JPH3: variants seen among roughly 807,000 people sequenced by gnomAD.
The protein encoded by JPH3 is junctophilin 3.
In JPH3, 11 loss-of-function variants were observed where a neutral mutation model predicts 59.6. The ratio of observed to expected loss-of-function variants is 0.18; its 90% CI spans 0.12 to 0.31. JPH3 has a LOEUF of 0.31. JPH3 is among the 10% of genes least tolerant of loss of function. The pLI is 1.00. For synonymous variants in JPH3, 673 were observed against 483.6 expected, an observed-to-expected ratio of 1.39 and a Z score of -5.14; for missense variants, 1,202 against 1,105.7, an observed-to-expected ratio of 1.09 and a Z score of -1.24.
intron 1 of JPH3, among the ~76,000 whole-genome samples, chr16:87,607,025 G>C (rs542873422): frequency 2.6e-5 from 4 of 152,294 alleles, no homozygotes; most frequent in Non-Finnish European, 5.9e-5. Flanking sequence ...CCCAGAGCCT[G>C]GGCCTTTGCT....
intron 1 of JPH3, among the ~76,000 whole-genome samples, chr16:87,642,711 T>A (rs1345108709): frequency 6.6e-6 from 1 of 152,204 alleles, no homozygotes; most frequent in African/African-American, 2.4e-5. Flanking sequence ...TTTGCCGCGT[T>A]GGGCGTCGTG....
At chr16:87,694,385 C>G (rs2033716325) in intron 4 of JPH3, 1 of 152,214 alleles carries the variant, frequency 6.6e-6, no homozygotes, top group South Asian at 2.1e-4. Context: ...AAGAATGAAA[C>G]TGACCCAGGA....
intron 2 of JPH3, among the ~76,000 whole-genome samples, chr16:87,659,207 C>G (rs1461287558): frequency 6.6e-6 from 1 of 151,760 alleles, no homozygotes; most frequent in Non-Finnish European, 1.5e-5. Context: ...GATCCCCTCT[C>G]TACTGAAAAT....
chr16:87,658,561 C>A (rs547605117), intron 2 of JPH3, among the ~76,000 whole-genome samples: 1 of 152,162 alleles, frequency 6.6e-6, no homozygotes, highest in Admixed American at 6.5e-5. Context: ...CTCCCCAACC[C>A]CCCTGTTTCT....
Position 87,602,998 on chromosome 16 carries a change from G to A in JPH3, c.-149G>A, listed in dbSNP as rs1262788576. On this transcript the variant is annotated 5_prime_UTR_variant, in exon 1 of 5. Coordinates refer to ENST00000284262, the MANE Select transcript of JPH3 (RefSeq NM_020655.4). ...TTCCTCCGGAGCCGGCGCCGCGGCC[G>A]CCCGCGCCCGAGACCGCGCTCCGGG... is the stretch of plus-strand genomic sequence containing the variant. 1.6e-5 allele frequency: 14 copies of A among 852,762 alleles called. No individual in the cohort carries two copies. Among genetic ancestry groups the A allele is most frequent in the Non-Finnish European group, 2.1e-5 (12 of 579,864 alleles). The allele number at this position is 852,762 out of a possible 1,614,324, so 52.8% of individuals were successfully genotyped here. A position where few individuals can be genotyped will look rare whatever the true frequency, so the allele number is the denominator to read the frequency against.
At chr16:87,610,765 A>G (rs968694164) in intron 1 of JPH3, among the ~76,000 whole-genome samples, 1 of 152,188 alleles carries the variant, frequency 6.6e-6, no homozygotes, top group Admixed American at 6.5e-5. Flanking sequence ...CATATGAGAA[A>G]GATGATGGTG....
At chr16:87,663,529 C>T (rs571039770) in intron 2 of JPH3, among the ~76,000 whole-genome samples, 2 of 152,308 alleles carry the variant, frequency 1.3e-5, no homozygotes, top group South Asian at 4.1e-4. Context: ...ACAAGTTTCC[C>T]GTTTTCCTTT....
At position 87,671,878 on chromosome 16, in the gene JPH3, A is replaced by G. The variant is rs569009600; in HGVS notation, c.1161-12264A>G. Among the ~76,000 whole-genome samples the G allele has an allele frequency of 9.6e-4, 146 of 152,344 alleles. 1 individual carries two copies. The highest frequency in any genetic ancestry group is 3.4e-3 in the Middle Eastern group (1 of 294). On this transcript the variant is annotated intron_variant, in intron 2 of 4. Coordinates refer to ENST00000284262, the MANE Select transcript of JPH3 (RefSeq NM_020655.4). Reference sequence around the variant, plus strand: ...TTTGAAGATCGGTTTTCAGCAGGACAGTAAAAAGGCGAACTGGGAGATTGT... The same window carrying G: ...TTTGAAGATCGGTTTTCAGCAGGACGGTAAAAAGGCGAACTGGGAGATTGT...
rs201391617 is a variant in JPH3 at position 87,696,551 on chromosome 16, G to A, written c.2167-29G>A. The stretch of plus-strand genomic sequence containing the variant: ...CCAGGCAGAGCCCCCCGCAGCTGTC[G>A]CTCACCTCTTCCCCTCGCTCTCTTC... On this transcript the variant is annotated intron_variant, in intron 4 of 4. Coordinates refer to ENST00000284262, the MANE Select transcript of JPH3 (RefSeq NM_020655.4). The A allele has an allele frequency of 1.9e-5, 31 of 1,601,256 alleles. No homozygotes were observed. The South Asian group carries it at 2.4e-4, about 13-fold the overall frequency.
chr16:87,630,856 TC>T (rs2031544250), intron 1 of JPH3, among the ~76,000 whole-genome samples: 1 of 152,156 alleles, frequency 6.6e-6, no homozygotes, highest in African/African-American at 2.4e-5. Context: ...TTCTCCCCAC[TC>T]CCAGCTATCT....
chr16:87,661,538 G>C (rs1448121108), intron 2 of JPH3, among the ~76,000 whole-genome samples: 2 of 152,242 alleles, frequency 1.3e-5, no homozygotes, highest in South Asian at 4.1e-4. Context: ...GACATTGTAG[G>C]TCACCACCAT....
At chr16:87,639,978 C>G (rs772405469) in intron 1 of JPH3, among the ~76,000 whole-genome samples, 17 of 152,216 alleles carry the variant, frequency 1.1e-4, no homozygotes, top group Non-Finnish European at 1.8e-4. Context: ...GGAGGGATCT[C>G]AGGGAGTGGG....
chr16:87,638,398 G>GT (rs913058170), intron 1 of JPH3, among the ~76,000 whole-genome samples: 3 of 152,226 alleles, frequency 2.0e-5, no homozygotes, highest in African/African-American at 7.2e-5. Flanking sequence ...GGAGCACAGG[G>GT]TGGGGGTGCT....
rs1427025407 is a variant in JPH3, at chr16:87,673,655, G to A, written c.1161-10487G>A. On this transcript the variant is annotated intron_variant, in intron 2 of 4. Coordinates refer to ENST00000284262, the MANE Select transcript of JPH3 (RefSeq NM_020655.4). ...TCATTAAAACAAGAGGCTGGGCACG[G>A]TGGCTCACACCTGTAATCCCAGTAC... is the stretch of plus-strand genomic sequence containing the variant. 2.0e-5 allele frequency among the ~76,000 whole-genome samples: 3 copies of A among 152,332 alleles called. No homozygotes were observed. The East Asian group carries it at 5.8e-4, about 29-fold the overall frequency.
At chr16:87,623,959 C>T (rs76580847) in intron 1 of JPH3, among the ~76,000 whole-genome samples, 7,784 of 152,310 alleles carry the variant, frequency 0.051, 290 homozygotes, top group South Asian at 0.11. Flanking sequence ...TAAACATGGC[C>T]TTGGCGTTGC....
chr16:87,680,021 G>C (rs983605622), intron 2 of JPH3, among the ~76,000 whole-genome samples: 7 of 152,250 alleles, frequency 4.6e-5, no homozygotes, highest in Admixed American at 6.5e-5. Context: ...CTTCCTCTGG[G>C]CACCCGTTGG....
intron 1 of JPH3, among the ~76,000 whole-genome samples, chr16:87,638,184 G>C (rs575468479): frequency 6.6e-6 from 1 of 152,144 alleles, no homozygotes; most frequent in Non-Finnish European, 1.5e-5. Context: ...CTCCCAAAGT[G>C]CTGAGATTAT....
chr16:87,686,761 C>T (rs539901891), intron 3 of JPH3, among the ~76,000 whole-genome samples: 1 of 152,194 alleles, frequency 6.6e-6, no homozygotes, highest in Non-Finnish European at 1.5e-5. Flanking sequence ...CAGGAGGGGC[C>T]TTGGGCTGAC....
intron 1 of JPH3, among the ~76,000 whole-genome samples, chr16:87,632,008 T>A (rs2031580284): frequency 6.6e-6 from 1 of 152,172 alleles, no homozygotes; most frequent in African/African-American, 2.4e-5. Context: ...TATTTGTAAG[T>A]TTTGGTCTTT....
Sources: allele counts gnomAD v4.1 joint callset (sites outside exome capture counted in the v4.1 genomes callset), GRCh38; gene constraint gnomAD v4.1.1; transcripts MANE v1.5; gene names NCBI Gene and HGNC (gene_info 2026-07-23, HGNC 2026-07-21).